ERBB2: variants seen among roughly 807,000 people sequenced by gnomAD.
The protein encoded by ERBB2 is receptor tyrosine-protein kinase erbB-2.
A neutral mutation model predicts 149.0 loss-of-function variants in ERBB2; 61 were observed. That is an observed-to-expected ratio of 0.41 (90% CI 0.33 to 0.51). The LOEUF is 0.51. ERBB2 is among the 20% of genes least tolerant of loss of function. ERBB2 has a pLI of 0.25. For missense variants in ERBB2, 1,205 were observed against 1,655.1 expected (o/e 0.73, Z 4.72); for synonymous variants, 633 against 678.8 (o/e 0.93, Z 1.05).
rs144875523 is a variant in ERBB2 at position 39,689,037 on chromosome 17, T to A, written c.-277+237T>A. ...CAGCACCGACCCACACCCAATCTCA[T>A]AGAAGCCTTGTAGCTAAGGATCACC... is the stretch of plus-strand genomic sequence containing the variant. On this transcript the variant is annotated intron_variant, in intron 2 of 17. Transcript: ENST00000578199. Among the ~76,000 whole-genome samples, 548 of 152,250 alleles carry A rather than the reference T, an allele frequency of 3.6e-3. 5 individuals carry two copies. Among genetic ancestry groups the A allele is most frequent in the African/African-American group, 0.012 (498 of 41,554 alleles).
rs150165942 is a variant in ERBB2, at chr17:39,727,538, C to T, written c.3403C>T (p.Pro1135Ser). 7.3e-4 allele frequency: 1,172 copies of T among 1,600,470 alleles called. 5 individuals carry two copies. Among genetic ancestry groups the T allele is most frequent in the Non-Finnish European group, 3.6e-4 (429 of 1,176,434 alleles). The change falls in exon 26 of 27, where the codon CCC becomes TCC. Residue 1135 changes from proline (P) to serine (S), a missense_variant. Around this residue, in one of 6 missense-constraint regions of ERBB2, gnomAD observed 312 missense variants for 343.8 expected, o/e 0.91. Transcript: ENST00000269571. This position sits in a 1 kb window ranked among gnomAD's most constrained non-coding sequence, Gnocchi z 4.3. ...CTACGTTGCCCCCCTGACCTGCAGC[C>T]CCCAGCCTGGTATGGAGTCCAGTCT... ...DGYVAPLTCS[P>S]QPEYVNQPDV...
Position 39,727,367 on chromosome 17 carries a change from T to C in ERBB2, c.3232T>C (p.Ser1078Pro), listed in dbSNP as rs1168483412. Reference protein sequence around the residue: ...EEAPRSPLAPSEGAGSDVFDG... With the variant: ...EEAPRSPLAPPEGAGSDVFDG... ...GGCCCCCAGGTCTCCACTGGCACCC[T>C]CCGAAGGGGCTGGCTCCGATGTATT... The change falls in exon 26 of 27, where the codon TCC becomes CCC. Residue 1078 changes from serine to proline, a missense_variant. Ser to Pro is a moderately conservative substitution (Grantham distance 74, BLOSUM62 -1). Coordinates refer to ENST00000269571, the MANE Select transcript of ERBB2 (RefSeq NM_004448.4). This position sits in a 1 kb window ranked among gnomAD's most constrained non-coding sequence, Gnocchi z 4.3. 4 of 1,610,798 alleles carry C rather than the reference T, an allele frequency of 2.5e-6. No homozygotes were observed. The African/African-American group carries it at 4.0e-5, about 16-fold the overall frequency.
upstream of ERBB2, among the ~76,000 whole-genome samples, chr17:39,694,284 T>TAC (rs1337267385): frequency 1.1e-3 from 48 of 44,934 alleles, no homozygotes; most frequent in South Asian, 2.2e-3. Context: ...TATATATATA[T>TAC]ATATACACAT....
chr17:39,706,918 T>C (rs2145398724), intron 1 of ERBB2, 72 bp from the exon 2 acceptor site: 1 of 1,409,770 alleles, frequency 7.1e-7, no homozygotes, highest in African/African-American at 1.5e-5. Context: ...TTGGAGTGAG[T>C]TTGGATGGGG....
At chr17:39,712,260 G>A (rs1423458982) in intron 8 of ERBB2, 62 bp from the exon 9 acceptor site, 1 of 1,607,550 alleles carries the variant, frequency 6.2e-7, no homozygotes, top group East Asian at 2.2e-5. Flanking sequence ...TCATGTGGCT[G>A]TTGACCTGTC....
rs2059682880 is a variant in ERBB2, at chr17:39,725,220, A to C, written c.2649+16A>C. The stretch of plus-strand genomic sequence containing the variant: ...TGGGGGCAAGGTTAGGTGAAGGACC[A>C]AGGAGCAGAGGAGGCTGGGTGGAGT... On this transcript the variant is annotated intron_variant, in intron 21 of 26. Transcript: ENST00000269571. The surrounding 1 kb of genome is among the most constrained non-coding windows in gnomAD (Gnocchi z 4.6). 6.2e-7 allele frequency: 1 copy of C among 1,614,002 alleles called. No homozygotes were observed. Among genetic ancestry groups the C allele is most frequent in the African/African-American group, 1.3e-5 (1 of 74,924 alleles).
At chr17:39,724,638 ATGGCTG>A in intron 19 of ERBB2, 82 bp from the exon 20 acceptor site, 3 of 1,204,580 alleles carry the variant, frequency 2.5e-6, no homozygotes, top group Non-Finnish European at 3.6e-6. Flanking sequence ...GCTGTGGGCC[ATGGCTG>A]TGGTTTGTGA....
rs375637720 is a variant in ERBB2, at chr17:39,725,175, G to A, written c.2620G>A (p.Glu874Lys). 6 of 1,613,960 alleles carry A rather than the reference G, an allele frequency of 3.7e-6. No homozygotes were observed. The highest frequency in any genetic ancestry group is 2.2e-5 in the East Asian group (1 of 44,880). ...FGLARLLDID[E>K]TEYHADGGKV... ...GCTGGCTCGGCTGCTGGACATTGAC[G>A]AGACAGAGTACCATGCAGATGGGGG... Residue 874 changes from glutamate (E) to lysine (K), a missense_variant, in exon 21 of 27, where the codon GAG becomes AAG. Physicochemically the swap from Glu to Lys is moderately conservative, Grantham distance 56. Around this residue, in one of 6 missense-constraint regions of ERBB2, gnomAD observed 152 missense variants for 318.1 expected, o/e 0.48. Transcript: ENST00000269571. The surrounding 1 kb of genome is among the most constrained non-coding windows in gnomAD (Gnocchi z 4.6).
upstream of ERBB2, among the ~76,000 whole-genome samples, chr17:39,694,355 A>G (rs191869728): frequency 7.6e-5 from 11 of 145,108 alleles, no homozygotes; most frequent in East Asian, 1.8e-3. Flanking sequence ...AATAAAATAA[A>G]TAATAATAAA....
In ERBB2 at chr17:39,727,906, T is replaced by C. The variant is rs141627242; in HGVS notation, c.3630T>C (p.Pro1210=). The C allele has an allele frequency of 2.7e-4, 430 of 1,614,048 alleles. No homozygotes were observed. Among genetic ancestry groups the C allele is most frequent in the Non-Finnish European group, 3.4e-4 (402 of 1,180,010 alleles). The change falls in exon 27 of 27, where the codon CCT becomes CCC. Residue 1210 remains proline, a synonymous_variant. Transcript: ENST00000269571. This position sits in a 1 kb window ranked among gnomAD's most constrained non-coding sequence, Gnocchi z 4.3. ...QGGAAPQPHP[P]PAFSPAFDNL... ...GAGCTGCCCCTCAGCCCCACCCTCC[T>C]CCTGCCTTCAGCCCAGCCTTCGACA...
rs746700319 is a variant in ERBB2 at position 39,725,225 on chromosome 17, G to T, written c.2649+21G>T. 2 of 1,613,988 alleles carry T rather than the reference G, an allele frequency of 1.2e-6. No homozygotes were observed. Among genetic ancestry groups the T allele is most frequent in the Non-Finnish European group, 1.7e-6 (2 of 1,180,010 alleles). ...GCAAGGTTAGGTGAAGGACCAAGGA[G>T]CAGAGGAGGCTGGGTGGAGTGGTGT... On this transcript the variant is annotated intron_variant, in intron 21 of 26. Transcript: ENST00000269571. This position sits in a 1 kb window ranked among gnomAD's most constrained non-coding sequence, Gnocchi z 4.6.
intron 1 of ERBB2, among the ~76,000 whole-genome samples, chr17:39,704,554 A>G (rs541524323): frequency 6.6e-6 from 1 of 152,150 alleles, no homozygotes; most frequent in African/African-American, 2.4e-5. Flanking sequence ...GCCTGGCGAC[A>G]GGGCGAGACT....
At chr17:39,714,057 C>CA (rs34185413) in intron 9 of ERBB2, among the ~76,000 whole-genome samples, 1,784 of 94,602 alleles carry the variant, frequency 0.019, 17 homozygotes, top group African/African-American at 0.037. Flanking sequence ...GACCCTGTCT[C>CA]AAAAAAAAAA....
At position 39,725,253 on chromosome 17, in the gene ERBB2, A is replaced by G; in HGVS notation, c.2649+49A>G. On this transcript the variant is annotated intron_variant, in intron 21 of 26. Coordinates refer to ENST00000269571, the MANE Select transcript of ERBB2 (RefSeq NM_004448.4). This position sits in a 1 kb window ranked among gnomAD's most constrained non-coding sequence, Gnocchi z 4.6. The stretch of plus-strand genomic sequence containing the variant: ...GAGGAGGCTGGGTGGAGTGGTGTCT[A>G]GCCCATGGGAGAACTCTGAGTGGCC... 1 of 1,613,616 alleles carries G rather than the reference A, an allele frequency of 6.2e-7. No homozygotes were observed. Among genetic ancestry groups the G allele is most frequent in the Non-Finnish European group, 8.5e-7 (1 of 1,179,598 alleles).
In ERBB2 at chr17:39,712,343, A is replaced by G. The variant is rs1263270004; in HGVS notation, c.1043A>G (p.Glu348Gly). The G allele has an allele frequency of 6.2e-7, 1 of 1,602,572 alleles. No individual in the cohort carries two copies. The highest frequency in any genetic ancestry group is 1.1e-5 in the South Asian group (1 of 90,828). The change falls in exon 9 of 27, where the codon GAG (glutamate) becomes GGG (glycine). Residue 348 changes from glutamate to glycine, a missense_variant. By Grantham distance (98) the Glu-to-Gly change is moderately conservative. Transcript: ENST00000269571. ...TCAGTGTGCTATGGTCTGGGCATGG[A>G]GCACTTGCGAGAGGTGAGGGCAGTT... The part of the protein sequence containing the change: ...CARVCYGLGM[E>G]HLREVRAVTS...
rs532023577 is a variant in ERBB2, at chr17:39,715,854, C to T, written c.1428C>T (p.Phe476=). 29 of 1,612,708 alleles carry T rather than the reference C, an allele frequency of 1.8e-5. No individual in the cohort carries two copies. In the African/African-American group the frequency reaches 3.3e-4, roughly 19 times the overall value. The change falls in exon 12 of 27, where the codon TTC becomes TTT. Residue 476 remains phenylalanine, a synonymous_variant. Transcript: ENST00000269571. ...TCCACCATAACACCCACCTCTGCTT[C>T]GTGCACACGGTGCCCTGGGACCAGC... is the stretch of plus-strand genomic sequence containing the variant. ...ALIHHNTHLC[F]VHTVPWDQLF... is the part of the protein sequence containing the mutation.
upstream of ERBB2, among the ~76,000 whole-genome samples, chr17:39,694,303 G>GTGTATTGTGTA (rs1555612057): frequency 1.3e-5 from 1 of 75,764 alleles, no homozygotes; most frequent in East Asian, 3.7e-4. Flanking sequence ...ATATATATGT[G>GTGTATTGTGTA]TATATATATA....
chr17:39,723,530 C>T lies in ERBB2; in HGVS notation c.2086-8C>T, dbSNP rs2145811300. 2 of 1,612,662 alleles carry T rather than the reference C, an allele frequency of 1.2e-6. No homozygotes were observed. Among genetic ancestry groups the T allele is most frequent in the Non-Finnish European group, 1.7e-6 (2 of 1,179,408 alleles). ...CCCCGGCACTGACCCACCACCCCCT[C>T]ACCCCAGCTGGTGGAGCCGCTGACA... On this transcript the variant is annotated splice_polypyrimidine_tract_variant and splice_region_variant and intron_variant, in intron 17 of 26. Coordinates refer to ENST00000269571, the MANE Select transcript of ERBB2 (RefSeq NM_004448.4). This position sits in a 1 kb window ranked among gnomAD's most constrained non-coding sequence, Gnocchi z 6.2.
At chr17:39,718,882 T>G (rs2059296995) in intron 15 of ERBB2, among the ~76,000 whole-genome samples, 1 of 152,198 alleles carries the variant, frequency 6.6e-6, no homozygotes, top group Non-Finnish European at 1.5e-5. Flanking sequence ...TGCCCCCTAG[T>G]GGGAATACAG....
Sources: gnomAD v4.1 joint callset for allele counts (sites outside exome capture counted in the v4.1 genomes callset) on GRCh38, gnomAD v4.1.1 for gene constraint, gnomAD v4.1.1 regional missense constraint, Gnocchi (gnomAD v3.1) non-coding constraint, MANE v1.5 for transcripts, NCBI Gene and HGNC (gene_info 2026-07-23, HGNC 2026-07-21) for gene names.